Variants in MYO16 observed in about 807,000 individuals in gnomAD.
The protein encoded by MYO16 is unconventional myosin-XVI.
Under a neutral mutation model 205.3 loss-of-function variants are expected in MYO16, and 94 were observed. The ratio of observed to expected loss-of-function variants is 0.46; its 90% CI spans 0.39 to 0.54. MYO16 has a LOEUF of 0.54. Among genes scored for constraint, MYO16 ranks in the 20% least tolerant of loss-of-function variants. MYO16 has a pLI of 0.00. For missense variants in MYO16, 2,315 were observed against 2,387.5 expected (o/e 0.97, Z 0.63); for synonymous variants, 988 against 954.0 (o/e 1.04, Z -0.66).
intron 20 of MYO16, among the ~76,000 whole-genome samples, chr13:108,965,650 C>G (rs771559724): frequency 3.9e-5 from 6 of 152,194 alleles, no homozygotes; most frequent in Non-Finnish European, 8.8e-5. Flanking sequence ...AGGTGATCCG[C>G]CTGCCTCGGC....
At chr13:108,849,555 C>A (rs1877719188) in intron 10 of MYO16, among the ~76,000 whole-genome samples, 1 of 98,428 alleles carries the variant, frequency 1.0e-5, no homozygotes, top group Non-Finnish European at 2.3e-5. Context: ...GTGTGTGTAA[C>A]TTATCCATAC....
At chr13:108,660,615 A>G (rs918768701) in intron 1 of MYO16, among the ~76,000 whole-genome samples, 5 of 152,110 alleles carry the variant, frequency 3.3e-5, no homozygotes, top group Non-Finnish European at 5.9e-5. Flanking sequence ...TTTGGTGTCC[A>G]TTTGCATGAA....
chr13:108,723,121 C>T (rs192292266), intron 3 of MYO16, among the ~76,000 whole-genome samples: 40 of 151,350 alleles, frequency 2.6e-4, no homozygotes, highest in African/African-American at 9.0e-4. Flanking sequence ...GTTAGTGTAT[C>T]ATGATTGTGA....
At chr13:108,898,447 T>C (rs1395569410) in intron 15 of MYO16, among the ~76,000 whole-genome samples, 1 of 151,400 alleles carries the variant, frequency 6.6e-6, no homozygotes, top group Non-Finnish European at 1.5e-5. Flanking sequence ...TAAAAAATAT[T>C]CTCAAATGCA....
chr13:108,546,263 G>A, the MYO16 span, among the ~76,000 whole-genome samples: 102 of 152,244 alleles, frequency 6.7e-4, no homozygotes, highest in Middle Eastern at 3.4e-3. Flanking sequence ...TTAGGGTTGC[G>A]TTCTGAGCGC....
chr13:108,639,707 A>G (rs1355734737), intron 1 of MYO16, among the ~76,000 whole-genome samples: 8 of 152,332 alleles, frequency 5.3e-5, no homozygotes, highest in African/African-American at 1.4e-4. Flanking sequence ...TAGAGAACAA[A>G]TGGGAGGGAG....
chr13:108,805,336 G>A (rs1468795275), intron 6 of MYO16, among the ~76,000 whole-genome samples: 1 of 152,094 alleles, frequency 6.6e-6, no homozygotes, highest in African/African-American at 2.4e-5. Flanking sequence ...TGAGTTACAA[G>A]AAATAAACAT....
intron 1 of MYO16, among the ~76,000 whole-genome samples, chr13:108,632,512 C>T (rs1258909886): frequency 2.0e-5 from 3 of 152,142 alleles, no homozygotes; most frequent in Non-Finnish European, 2.9e-5. Context: ...TGGGAAAATA[C>T]TCATCATCTA....
At chr13:109,105,485 C>T (rs1451462526) in intron 28 of MYO16, among the ~76,000 whole-genome samples, 1 of 151,776 alleles carries the variant, frequency 6.6e-6, no homozygotes, top group Non-Finnish European at 1.5e-5. Flanking sequence ...AACAAACAAA[C>T]AAAAAACTTT....
chr13:108,936,249 A>G (rs969048468), intron 16 of MYO16, among the ~76,000 whole-genome samples: 1 of 151,970 alleles, frequency 6.6e-6, no homozygotes, highest in African/African-American at 2.4e-5. Context: ...ATGAATTAGA[A>G]AGAAGTCCTT....
intron 27 of MYO16, among the ~76,000 whole-genome samples, chr13:109,061,365 AC>A (rs1240445873): frequency 6.6e-6 from 1 of 152,130 alleles, no homozygotes; most frequent in Non-Finnish European, 1.5e-5. Context: ...GCCCGTCTTG[AC>A]TTTTGACATG....
intron 32 of MYO16, among the ~76,000 whole-genome samples, chr13:109,153,301 A>G (rs926425980): frequency 1.3e-5 from 2 of 152,216 alleles, no homozygotes; most frequent in Admixed American, 6.5e-5. Flanking sequence ...CTTGTGTGCT[A>G]GAAGCCACTG....
chr13:108,578,903 TTATG>T, the MYO16 span, among the ~76,000 whole-genome samples: 1 of 149,164 alleles, frequency 6.7e-6, no homozygotes, highest in East Asian at 1.9e-4. Flanking sequence ...TATTATGTAT[TTATG>T]TATTATTACA....
At chr13:108,732,961 T>C (rs1176462944) in intron 4 of MYO16, among the ~76,000 whole-genome samples, 1 of 152,190 alleles carries the variant, frequency 6.6e-6, no homozygotes, top group Admixed American at 6.5e-5. Context: ...GACGTTGTAA[T>C]TTTTGTTTGC....
chr13:108,849,616 CTTTTGT>C (rs1179672938), intron 10 of MYO16, among the ~76,000 whole-genome samples: 2,895 of 77,732 alleles, frequency 0.037, 137 homozygotes, highest in African/African-American at 0.093. Context: ...TGAATTTCCT[CTTTTGT>C]GTGTGTGTGT....
intron 32 of MYO16, among the ~76,000 whole-genome samples, chr13:109,145,555 T>G (rs903635221): frequency 2.0e-5 from 3 of 152,232 alleles, no homozygotes; most frequent in Non-Finnish European, 2.9e-5. Context: ...AAATTAATAT[T>G]GACTAAATGT....
chr13:108,903,551 C>T (rs1046103738), intron 15 of MYO16, among the ~76,000 whole-genome samples: 4 of 152,024 alleles, frequency 2.6e-5, no homozygotes, highest in African/African-American at 9.7e-5. Flanking sequence ...ATCCATCCTG[C>T]AACAAAGAGT....
chr13:108,733,024 T>C (rs1884574091), intron 4 of MYO16, among the ~76,000 whole-genome samples: 1 of 152,128 alleles, frequency 6.6e-6, no homozygotes, highest in Non-Finnish European at 1.5e-5. Flanking sequence ...GGTGTAAAAA[T>C]GAATGAAGGA....
chr13:108,784,509 G>T (rs998403008), intron 4 of MYO16, among the ~76,000 whole-genome samples: 2 of 151,806 alleles, frequency 1.3e-5, no homozygotes, highest in African/African-American at 2.4e-5. Context: ...TGTTTGTTTT[G>T]GGTTTTTAAA....
Sources: gnomAD v4.1 joint callset for allele counts (sites outside exome capture counted in the v4.1 genomes callset) on GRCh38, gnomAD v4.1.1 for gene constraint, MANE v1.5 for transcripts, NCBI Gene and HGNC (gene_info 2026-07-23, HGNC 2026-07-21) for gene names.